SYNC: variants seen among roughly 807,000 people sequenced by gnomAD.
The protein encoded by SYNC is syncoilin.
In SYNC, 38 loss-of-function variants were observed where a neutral mutation model predicts 49.5. That is an observed-to-expected ratio of 0.77 (90% CI 0.59 to 1.01). The LOEUF (loss-of-function observed/expected upper bound fraction) is 1.01. Ranked by LOEUF, SYNC falls within the 50% of genes least tolerant of loss-of-function variation. SYNC has a pLI of 0.00. For synonymous variants in SYNC, 201 were observed against 230.8 expected (o/e 0.87, Z 1.17); for missense variants, 579 against 580.6 (o/e 1.00, Z 0.03).
intron 2 of SYNC, among the ~76,000 whole-genome samples, chr1:32,688,323 G>A (rs764806037): frequency 1.3e-5 from 2 of 151,860 alleles, no homozygotes; most frequent in Non-Finnish European, 2.9e-5. Flanking sequence ...AGAGATGTAA[G>A]GACTAAAGGA....
chr1:32,697,980 T>G (rs1040433937), intron 1 of SYNC, among the ~76,000 whole-genome samples: 1 of 152,082 alleles, frequency 6.6e-6, no homozygotes, highest in Non-Finnish European at 1.5e-5. Context: ...GCCAGCACTT[T>G]GGGAGGCCAA....
chr1:32,684,556 A>C, intron 2 of SYNC, 174 bp from the exon 3 acceptor site: 1 of 916,960 alleles, frequency 1.1e-6, no homozygotes, highest in Non-Finnish European at 1.6e-6. Flanking sequence ...TCTTGGAAAA[A>C]AAGTGACAAT....
rs1022240281 is a variant in SYNC, at chr1:32,680,700, C to T, written c.*1150G>A. ...TTAGTATAAAACATCCATCAAACAC[C>T]AGTCTCTGGCTTCTAGAAGAGTCCT... On this transcript the variant is annotated 3_prime_UTR_variant, in exon 5 of 5. Transcript: ENST00000409190. 2 of 648,040 alleles carry T rather than the reference C, an allele frequency of 3.1e-6. No homozygotes were observed. Among genetic ancestry groups the T allele is most frequent in the East Asian group, 6.0e-5 (2 of 33,114 alleles). 40.1% of individuals were successfully genotyped at this position (648,040 alleles called of 1,614,324 possible).
Position 32,695,139 on chromosome 1 carries a change from T to G in SYNC, c.959A>C (p.Glu320Ala). ...AAACTGGGCAGAGAGTCGCCGGCTTTCCTGGAGAAAGTGCCCATCCCTCTG... is the reference window on the plus strand; with the variant it reads ...AAACTGGGCAGAGAGTCGCCGGCTTGCCTGGAGAAAGTGCCCATCCCTCTG... The part of the protein sequence containing the change: ...PSQRDGHFLQ[E>A]SRRLSAQFEN... The change falls in exon 2 of 5, where the codon GAA (glutamate) becomes GCA (alanine). Residue 320 changes from glutamate to alanine, a missense_variant. Coordinates refer to ENST00000409190, the MANE Select transcript of SYNC (RefSeq NM_030786.3). The G allele has an allele frequency of 6.2e-7, 1 of 1,607,592 alleles. No individual in the cohort carries two copies. Among genetic ancestry groups the G allele is most frequent in the Non-Finnish European group, 8.5e-7 (1 of 1,177,136 alleles).
intron 2 of SYNC, among the ~76,000 whole-genome samples, chr1:32,691,681 T>G (rs1479483254): frequency 2.6e-5 from 4 of 152,190 alleles, no homozygotes; most frequent in Non-Finnish European, 1.5e-5. Context: ...ACTAATTATA[T>G]TTCAGATATG....
In SYNC at chr1:32,702,188, C is replaced by A. The variant is rs1489796967; in HGVS notation, c.53+420G>T. On this transcript the variant is annotated intron_variant, in intron 1 of 4. Coordinates refer to ENST00000409190, the MANE Select transcript of SYNC (RefSeq NM_030786.3). The surrounding 1 kb of genome is among the most constrained non-coding windows in gnomAD (Gnocchi z 6.2). ...ACAAGCCCTGACAGACTCTTAACTT[C>A]AAGCTGGCAGATGCCCAGCCTTGCA... 1.3e-5 allele frequency among the ~76,000 whole-genome samples: 2 copies of A among 152,244 alleles called. No homozygotes were observed. The highest frequency in any genetic ancestry group is 3.8e-4 in the East Asian group (2 of 5,196).
intron 2 of SYNC, among the ~76,000 whole-genome samples, chr1:32,689,865 CG>C (rs1377156429): frequency 6.7e-6 from 1 of 149,964 alleles, no homozygotes; most frequent in Non-Finnish European, 1.5e-5. Flanking sequence ...CGCTTGAACC[CG>C]GGAGGCAGAG....
chr1:32,695,378 C>T lies in SYNC; in HGVS notation c.720G>A (p.Arg240=). 6.4e-7 allele frequency: 1 copy of T among 1,551,796 alleles called. No homozygotes were observed. The highest frequency in any genetic ancestry group is 8.7e-7 in the Non-Finnish European group (1 of 1,147,082). The change falls in exon 2 of 5, where the codon CGG becomes CGA. Residue 240 remains arginine, a synonymous_variant. Coordinates refer to ENST00000409190, the MANE Select transcript of SYNC (RefSeq NM_030786.3). The part of the protein sequence containing the change: ...LERDGLREEI[R]LVKQKLFKVT... ...CTTTGAAAAGCTTCTGCTTGACCAG[C>T]CGGATCTCCTCCCTTAGGCCATCTC...
chr1:32,688,972 C>G (rs1471900070), intron 2 of SYNC, among the ~76,000 whole-genome samples: 1 of 150,782 alleles, frequency 6.6e-6, no homozygotes, highest in African/African-American at 2.4e-5. Context: ...CGGAGTCTTG[C>G]TCTGTTGCCA....
chr1:32,681,780 A>G lies in SYNC; in HGVS notation c.*70T>C, dbSNP rs1439991450. The G allele has an allele frequency of 3.7e-6, 6 of 1,613,784 alleles. No individual in the cohort carries two copies. The African/African-American group carries it at 4.0e-5, about 11-fold the overall frequency. On this transcript the variant is annotated 3_prime_UTR_variant, in exon 5 of 5. Transcript: ENST00000409190. ...TTGTCTGGTTGGAAGAGTACATCCA[A>G]AGGGTACTTAGTGATCCTTTGCTAA...
rs1428850985 is a variant in SYNC, at chr1:32,702,299, A to G, written c.53+309T>C. Among the ~76,000 whole-genome samples, 1 of 152,248 alleles carries G rather than the reference A, an allele frequency of 6.6e-6. No individual in the cohort carries two copies. The highest frequency in any genetic ancestry group is 1.9e-4 in the East Asian group (1 of 5,194). ...CAGGGAGGAATGAAGGCTAGCGAGA[A>G]GTGTCTTTGGCTGCTATGGGCCAAA... On this transcript the variant is annotated intron_variant, in intron 1 of 4. Transcript: ENST00000409190. This position sits in a 1 kb window ranked among gnomAD's most constrained non-coding sequence, Gnocchi z 6.2.
Position 32,696,023 on chromosome 1 carries a change from A to C in SYNC, c.75T>G (p.Asn25Lys), listed in dbSNP as rs771258956. The change falls in exon 2 of 5, where the codon AAT becomes AAG. Residue 25 changes from asparagine to lysine, a missense_variant. Transcript: ENST00000409190. ...QAARKTRVEA[N>K]SPLPKNSGSL... Reference sequence around the variant, plus strand: ...ATCCAGAGTTCTTTGGAAGAGGAGAATTGGCCTCTACTCTTGTTTTCCTGC... The same window carrying C: ...ATCCAGAGTTCTTTGGAAGAGGAGACTTGGCCTCTACTCTTGTTTTCCTGC... 6.5e-7 allele frequency: 1 copy of C among 1,537,566 alleles called. No homozygotes were observed. Among genetic ancestry groups the C allele is most frequent in the Non-Finnish European group, 8.7e-7 (1 of 1,146,666 alleles).
Position 32,695,644 on chromosome 1 carries a change from C to G in SYNC, c.454G>C (p.Glu152Gln), listed in dbSNP as rs1483105600. 4.5e-6 allele frequency: 7 copies of G among 1,551,554 alleles called. No individual in the cohort carries two copies. In the African/African-American group the frequency reaches 9.6e-5, roughly 21 times the overall value. Residue 152 changes from glutamate to glutamine, a missense_variant, in exon 2 of 5, where the codon GAG becomes CAG. Coordinates refer to ENST00000409190, the MANE Select transcript of SYNC (RefSeq NM_030786.3). ...TVTRAEKSNP[E>Q]ESLRAEQSPS... ...CTCTGCTCGGCTCTGAGGCTCTCCT[C>G]AGGGTTAGATTTCTCCGCCCTTGTG...
upstream of SYNC, chr1:32,702,802 C>T (rs1570933865): frequency 1.5e-6 from 1 of 649,916 alleles, no homozygotes; most frequent in East Asian, 1.2e-4. This position sits in a 1 kb window ranked among gnomAD's most constrained non-coding sequence, Gnocchi z 6.2. Context: ...GCCCACTTGG[C>T]CGGGGCTCCT....
In SYNC at chr1:32,680,361, T is replaced by TG; in HGVS notation, c.*1488_*1489insC. The TG allele has an allele frequency of 2.8e-6, 3 of 1,056,260 alleles. No individual in the cohort carries two copies. The highest frequency in any genetic ancestry group is 3.5e-6 in the Non-Finnish European group (3 of 854,308). The allele number at this position is 1,056,260 out of a possible 1,614,324, so 65.4% of individuals were successfully genotyped here. On this transcript the variant is annotated 3_prime_UTR_variant, in exon 5 of 5. Coordinates refer to ENST00000409190, the MANE Select transcript of SYNC (RefSeq NM_030786.3). ...GTGTTTTTTTTTTTGTTGTTGGTTTTTTTTTTTTTTTTTTTAACTTGGGAC... is the reference window on the plus strand; with the variant it reads ...GTGTTTTTTTTTTTGTTGTTGGTTTTGTTTTTTTTTTTTTTTAACTTGGGAC...
At position 32,695,205 on chromosome 1, in the gene SYNC, T is replaced by G; in HGVS notation, c.893A>C (p.Gln298Pro). ...LAQLRDAYQK[Q>P]KEQLRQQLEA... ...TAGTTGTTGCCGCAGCTGCTCCTTC[T>G]GCTTCTGATAGGCATCCCGGAGCTG... Residue 298 changes from glutamine to proline, a missense_variant, in exon 2 of 5, where the codon CAG becomes CCG. Transcript: ENST00000409190. 6.4e-7 allele frequency: 1 copy of G among 1,557,200 alleles called. No individual in the cohort carries two copies. The highest frequency in any genetic ancestry group is 2.0e-5 in the Admixed American group (1 of 51,256).
chr1:32,684,388 T>A lies in SYNC; in HGVS notation c.1234-6A>T, dbSNP rs201714614. The A allele has an allele frequency of 1.1e-5, 17 of 1,614,186 alleles. No homozygotes were observed. The highest frequency in any genetic ancestry group is 1.4e-5 in the Non-Finnish European group (17 of 1,180,042). On this transcript the variant is annotated splice_polypyrimidine_tract_variant and splice_region_variant and intron_variant, in intron 2 of 4. Coordinates refer to ENST00000409190, the MANE Select transcript of SYNC (RefSeq NM_030786.3). The stretch of plus-strand genomic sequence containing the variant: ...TCCATTTCCTCCAGCTGTTCCTGCA[T>A]GAGATGGCCAAGAACATTTCTAATG...
intron 1 of SYNC, among the ~76,000 whole-genome samples, chr1:32,699,886 CCAT>C (rs1328848759): frequency 6.6e-6 from 1 of 152,002 alleles, no homozygotes; most frequent in Non-Finnish European, 1.5e-5. Context: ...GCGCCCACCA[CCAT>C]GCCTGGCTAA....
At position 32,680,318 on chromosome 1, in the gene SYNC, T is replaced by C; in HGVS notation, c.*1532A>G. 1 of 1,333,864 alleles carries C rather than the reference T, an allele frequency of 7.5e-7. No homozygotes were observed. The allele number at this position is 1,333,864 out of a possible 1,614,324, so 82.6% of individuals were successfully genotyped here. ...TCTTGAGCTGTTTTCATGTTGTTTA[T>C]TTCCTGTCTGTGAAATGGTGTTTTT... On this transcript the variant is annotated 3_prime_UTR_variant, in exon 5 of 5. Coordinates refer to ENST00000409190, the MANE Select transcript of SYNC (RefSeq NM_030786.3).
Sources: gnomAD v4.1 joint callset for allele counts (sites outside exome capture counted in the v4.1 genomes callset) on GRCh38, gnomAD v4.1.1 for gene constraint, Gnocchi (gnomAD v3.1) non-coding constraint, MANE v1.5 for transcripts, NCBI Gene and HGNC (gene_info 2026-07-23, HGNC 2026-07-21) for gene names.